AQR: variants seen among roughly 807,000 people sequenced by gnomAD.
The protein encoded by AQR is RNA helicase aquarius.
In AQR, 61 loss-of-function variants were observed where a neutral mutation model predicts 180.5. The observed-to-expected ratio is 0.34, with a 90% confidence interval of 0.28 to 0.42. The LOEUF (loss-of-function observed/expected upper bound fraction) is 0.42, where lower values mean the gene tolerates loss of function less well. Among genes scored for constraint, AQR ranks in the 10% least tolerant of loss-of-function variants. The probability of loss-of-function intolerance (pLI) is 1.00; values close to 1 mark genes in which losing one functional copy is unlikely to be tolerated. For missense variants in AQR, 1,281 were observed against 1,798.3 expected (o/e 0.71, Z 5.20); for synonymous variants, 551 against 588.8 (o/e 0.94, Z 0.93).
intron 5 of AQR, among the ~76,000 whole-genome samples, chr15:34,944,812 T>C (rs1348125896): frequency 1.3e-5 from 2 of 152,228 alleles, no homozygotes; most frequent in African/African-American, 2.4e-5. Context: ...CACACTGTAA[T>C]TAATCTCAAG....
intron 24 of AQR, 69 bp downstream of exon 24, chr15:34,890,142 CTTCT>C: frequency 3.8e-6 from 5 of 1,319,362 alleles, no homozygotes; most frequent in Non-Finnish European, 5.3e-6. Context: ...TTGCTTTCTT[CTTCT>C]TTAATAAAAG....
At chr15:34,946,472 G>A (rs1207968463) in intron 5 of AQR, among the ~76,000 whole-genome samples, 4 of 134,540 alleles carry the variant, frequency 3.0e-5, no homozygotes, top group African/African-American at 5.6e-5. Context: ...CCCCGTCCAG[G>A]AGGGAGGTGG....
At chr15:34,939,119 A>T (rs1225816395) in intron 8 of AQR, among the ~76,000 whole-genome samples, 3 of 152,104 alleles carry the variant, frequency 2.0e-5, no homozygotes, top group Non-Finnish European at 2.9e-5. Context: ...CCCAGGCTGG[A>T]GTGCAGTGGC....
rs1455843879 is a variant in AQR at position 34,874,867 on chromosome 15, AG to A, written c.3238-4del. On this transcript the variant is annotated splice_region_variant and splice_polypyrimidine_tract_variant and intron_variant, in intron 28 of 34. Coordinates refer to ENST00000156471, the MANE Select transcript of AQR (RefSeq NM_014691.3). ...CGGCTAAATCCATCCTGAGGATTCT[AG>A]AAATGAAAAGTAAGGAAATGGCAAA... 7 of 1,611,286 alleles carry A rather than the reference AG, an allele frequency of 4.3e-6. No individual in the cohort carries two copies. The highest frequency in any genetic ancestry group is 5.1e-6 in the Non-Finnish European group (6 of 1,179,000).
At chr15:34,900,910 A>C in intron 19 of AQR, 47 bp from the exon 20 acceptor site, 1 of 1,539,170 alleles carries the variant, frequency 6.5e-7, no homozygotes, top group Non-Finnish European at 8.8e-7. Flanking sequence ...TGACATCTCC[A>C]ACATTTGCAC....
chr15:34,882,580 C>T lies in AQR; in HGVS notation c.3087G>A (p.Val1029=), dbSNP rs759183786. The T allele has an allele frequency of 6.2e-7, 1 of 1,611,266 alleles. No individual in the cohort carries two copies. Among genetic ancestry groups the T allele is most frequent in the Non-Finnish European group, 8.5e-7 (1 of 1,178,674 alleles). ...SGLDRSKYLL[V]KEAKIIAMTC... Reference sequence around the variant, plus strand: ...TCATAGCAATAATTTTGGCTTCTTTCACTAAAAGGTATTTAGATCTGTCCA... The same window carrying T: ...TCATAGCAATAATTTTGGCTTCTTTTACTAAAAGGTATTTAGATCTGTCCA... Residue 1029 remains valine, a synonymous_variant, in exon 27 of 35, where the codon GTG becomes GTA. Coordinates refer to ENST00000156471, the MANE Select transcript of AQR (RefSeq NM_014691.3).
At chr15:34,961,654 G>C (rs1214885767) in intron 2 of AQR, among the ~76,000 whole-genome samples, 2 of 106,868 alleles carry the variant, frequency 1.9e-5, no homozygotes, top group Non-Finnish European at 3.8e-5. Flanking sequence ...CTCTGGAACT[G>C]TACATCTCAA....
chr15:34,902,250 C>T (rs924642170), intron 19 of AQR, among the ~76,000 whole-genome samples: 2 of 152,060 alleles, frequency 1.3e-5, no homozygotes, highest in Non-Finnish European at 2.9e-5. Context: ...AAACAGGTGA[C>T]TGGCTATGAG....
At position 34,873,933 on chromosome 15, in the gene AQR, TGGC is replaced by T; in HGVS notation, c.3489_3491del (p.Pro1164del). On this transcript the variant is annotated inframe_deletion, in exon 30 of 35. Coordinates refer to ENST00000156471, the MANE Select transcript of AQR (RefSeq NM_014691.3). ...AGCCAGCATTTGCTGTACTAAACTC[TGGC>T]AAGAGCTGCACATGGGGTAAGTTTC... The T allele has an allele frequency of 1.2e-6, 2 of 1,612,678 alleles. No individual in the cohort carries two copies. The highest frequency in any genetic ancestry group is 1.7e-6 in the Non-Finnish European group (2 of 1,179,180).
intron 3 of AQR, among the ~76,000 whole-genome samples, chr15:34,954,920 C>T (rs756120889): frequency 1.3e-5 from 2 of 151,978 alleles, no homozygotes; most frequent in African/African-American, 2.4e-5. Context: ...CTCAGGGGTT[C>T]GAGACCAGCA....
intron 13 of AQR, among the ~76,000 whole-genome samples, chr15:34,925,308 A>G (rs190494604): frequency 2.3e-3 from 356 of 152,346 alleles, no homozygotes; most frequent in Non-Finnish European, 4.0e-3. Flanking sequence ...GTAAAATGAG[A>G]TAAAAATAGA....
intron 10 of AQR, 56 bp from the exon 11 acceptor site, chr15:34,932,490 G>C: frequency 8.3e-7 from 1 of 1,200,974 alleles, no homozygotes; most frequent in Non-Finnish European, 1.2e-6. Context: ...ACAGCTAGAA[G>C]TGAAATCTAG....
intron 2 of AQR, 88 bp downstream of exon 2, chr15:34,964,146 T>A (rs1208534020): frequency 2.1e-6 from 2 of 973,834 alleles, no homozygotes; most frequent in East Asian, 2.6e-5. Flanking sequence ...TTTTTAATTT[T>A]AAAAAAATTA....
chr15:34,879,444 C>T (rs936125091), intron 27 of AQR, among the ~76,000 whole-genome samples: 4 of 152,138 alleles, frequency 2.6e-5, no homozygotes, highest in East Asian at 3.9e-4. Flanking sequence ...GAGAGAACTG[C>T]GCATGCTTGA....
chr15:34,884,414 A>G lies in AQR; in HGVS notation c.3027+111T>C, dbSNP rs186097410. On this transcript the variant is annotated intron_variant, in intron 26 of 34. Coordinates refer to ENST00000156471, the MANE Select transcript of AQR (RefSeq NM_014691.3). The stretch of plus-strand genomic sequence containing the variant: ...GGGCAAGACTCCGTCTCAAAAAAAA[A>G]CAAAAAAACAAAAAAACAAAAGATT... The G allele has an allele frequency of 4.9e-6, 5 of 1,028,038 alleles. No individual in the cohort carries two copies. In the East Asian group the frequency reaches 1.4e-4, roughly 29 times the overall value. The allele number at this position is 1,028,038 out of a possible 1,614,324, so 63.7% of individuals were successfully genotyped here.
chr15:34,920,496 G>T, intron 13 of AQR, 62 bp from the exon 14 acceptor site: 5 of 1,264,148 alleles, frequency 4.0e-6, no homozygotes, highest in Non-Finnish European at 5.6e-6. Context: ...TTTGAAACAT[G>T]TATTTTTACA....
At chr15:34,956,130 C>T (rs920784559) in intron 3 of AQR, among the ~76,000 whole-genome samples, 1 of 152,160 alleles carries the variant, frequency 6.6e-6, no homozygotes, top group African/African-American at 2.4e-5. Flanking sequence ...TACTATAATT[C>T]GTAAGGCTAT....
chr15:34,892,714 C>T (rs145436358), intron 23 of AQR, among the ~76,000 whole-genome samples: 2,845 of 152,286 alleles, frequency 0.019, 42 homozygotes, highest in South Asian at 0.05. Flanking sequence ...ATAGCTTAGC[C>T]TAGCCTATGT....
chr15:34,881,253 C>CA (rs1892968852), intron 27 of AQR, among the ~76,000 whole-genome samples: 1 of 152,174 alleles, frequency 6.6e-6, no homozygotes, highest in South Asian at 2.1e-4. Flanking sequence ...CACTGGGGTA[C>CA]ATTCACACTA....
Sources: gnomAD v4.1 joint callset for allele counts (sites outside exome capture counted in the v4.1 genomes callset) on GRCh38, gnomAD v4.1.1 for gene constraint, MANE v1.5 for transcripts, NCBI Gene and HGNC (gene_info 2026-07-23, HGNC 2026-07-21) for gene names.